ARID1B: variants seen among roughly 807,000 people sequenced by gnomAD.
ARID1B encodes AT-rich interaction domain 1B, also known as AT-rich interactive domain-containing protein 1B.
ARID1B carries 30 observed loss-of-function variants against 212.3 expected under a neutral mutation model. The ratio of observed to expected loss-of-function variants is 0.14; its 90% confidence interval spans 0.11 to 0.19. The LOEUF is 0.19. Ranked by LOEUF, ARID1B falls within the 10% of genes least tolerant of loss-of-function variation. ARID1B has a pLI of 1.00. For synonymous variants in ARID1B, 1,402 were observed against 1,301.7 expected (o/e 1.08, Z -1.66); for missense variants, 2,891 against 3,204.0 (o/e 0.90, Z 2.36).
At chr6:157,027,915 C>G (rs1426976968) in intron 4 of ARID1B, among the ~76,000 whole-genome samples, 1 of 152,072 alleles carries the variant, frequency 6.6e-6, no homozygotes, top group African/African-American at 2.4e-5. Flanking sequence ...TTAGTACTTC[C>G]GTTGATTTAT....
intron 2 of ARID1B, among the ~76,000 whole-genome samples, chr6:156,849,209 AC>A (rs1784421853): frequency 6.6e-6 from 1 of 152,088 alleles, no homozygotes; most frequent in Admixed American, 6.6e-5. Context: ...TTCTGAAGGT[AC>A]TCACGTGTTA....
intron 2 of ARID1B, among the ~76,000 whole-genome samples, chr6:156,848,769 G>A (rs971433105): frequency 1.9e-4 from 29 of 152,200 alleles, no homozygotes; most frequent in African/African-American, 7.0e-4. Context: ...ATGAGGGGAG[G>A]TGCCGGGGGG....
rs1007519442 is a variant in ARID1B, at chr6:157,209,121, T to C, written c.*1230T>C. ...AATCCACATTTGTATTTCAAGATAA[T>C]GTAGTTTAAAAAAAAAAAAAAGAAA... On this transcript the variant is annotated 3_prime_UTR_variant, in exon 20 of 20. Coordinates refer to ENST00000636930, the MANE Select transcript of ARID1B (RefSeq NM_001374828.1). The C allele has an allele frequency of 1.8e-5, 4 of 228,354 alleles. No individual in the cohort carries two copies. The highest frequency in any genetic ancestry group is 6.7e-5 in the African/African-American group (3 of 44,730). The allele number at this position is 228,354 out of a possible 1,614,324, so 14.1% of individuals were successfully genotyped here. A position where few individuals can be genotyped will look rare whatever the true frequency, so the allele number is the denominator to read the frequency against.
At chr6:157,011,217 ATATATT>A (rs1340199830) in intron 4 of ARID1B, among the ~76,000 whole-genome samples, 4 of 152,252 alleles carry the variant, frequency 2.6e-5, no homozygotes, top group Non-Finnish European at 5.9e-5. Flanking sequence ...TAAAGCATGT[ATATATT>A]ATCGACATTT....
chr6:156,923,599 G>C (rs1790976761), intron 3 of ARID1B, among the ~76,000 whole-genome samples: 1 of 152,130 alleles, frequency 6.6e-6, no homozygotes, highest in Non-Finnish European at 1.5e-5. Context: ...GCACTTAGGA[G>C]AGTACCTGAT....
intron 4 of ARID1B, among the ~76,000 whole-genome samples, chr6:157,012,461 G>C (rs542801504): frequency 1.3e-5 from 2 of 152,204 alleles, no homozygotes; most frequent in African/African-American, 4.8e-5. Context: ...GAGAATACAT[G>C]ATGAGGATTA....
intron 3 of ARID1B, among the ~76,000 whole-genome samples, chr6:156,919,693 G>T (rs947981063): frequency 2.6e-5 from 4 of 152,322 alleles, no homozygotes; most frequent in Non-Finnish European, 5.9e-5. Flanking sequence ...TTAGTTGGGC[G>T]TGTTAGCGGA....
At chr6:156,909,077 G>A (rs1429017202) in intron 3 of ARID1B, among the ~76,000 whole-genome samples, 2 of 146,604 alleles carry the variant, frequency 1.4e-5, no homozygotes, top group African/African-American at 2.5e-5. Flanking sequence ...TTCTGTATGT[G>A]TGTATAAAAC....
chr6:157,024,553 G>C (rs546318007), intron 4 of ARID1B: 1 of 152,362 alleles, frequency 6.6e-6, no homozygotes, highest in African/African-American at 2.4e-5. Context: ...CTTGAGGTCA[G>C]GAGTTCAAGA....
chr6:156,779,392 C>T lies in ARID1B; in HGVS notation c.1712C>T (p.Pro571Leu), dbSNP rs769085274. ...DMGAQYAAAS[P>L]AWAAAQQRSH... is the part of the protein sequence containing the mutation. ...GGCGCCCAGTACGCCGCTGCCAGCC[C>T]GGCCTGGGCGGCCGCGCAACAAAGG... Residue 571 changes from proline to leucine, a missense_variant, in exon 1 of 20, where the codon CCG becomes CTG. Transcript: ENST00000636930. 1 of 1,421,022 alleles carries T rather than the reference C, an allele frequency of 7.0e-7. No homozygotes were observed. Among genetic ancestry groups the T allele is most frequent in the Middle Eastern group, 2.2e-4 (1 of 4,598 alleles). The allele number at this position is 1,421,022 out of a possible 1,614,324, so 88.0% of individuals were successfully genotyped here.
chr6:157,077,194 A>G (rs1400508139), intron 4 of ARID1B, among the ~76,000 whole-genome samples: 2 of 152,240 alleles, frequency 1.3e-5, no homozygotes, highest in African/African-American at 4.8e-5. Flanking sequence ...TTAATTCTAT[A>G]TAATGCTAAA....
intron 4 of ARID1B, among the ~76,000 whole-genome samples, chr6:156,944,154 G>A (rs1260207908): frequency 2.0e-5 from 3 of 152,192 alleles, no homozygotes; most frequent in Non-Finnish European, 2.9e-5. Flanking sequence ...ATGAGAAAAA[G>A]CACTGATAAA....
rs1021491787 is a variant in ARID1B at position 157,190,267 on chromosome 6, C to A, written c.4231+57C>A. The A allele has an allele frequency of 3.3e-6, 5 of 1,530,776 alleles. No individual in the cohort carries two copies. Among genetic ancestry groups the A allele is most frequent in the Middle Eastern group, 1.7e-4 (1 of 5,732 alleles). The allele number at this position is 1,530,776 out of a possible 1,614,324, so 94.8% of individuals were successfully genotyped here. On this transcript the variant is annotated intron_variant, in intron 15 of 19. Coordinates refer to ENST00000636930, the MANE Select transcript of ARID1B (RefSeq NM_001374828.1). This position sits in a 1 kb window ranked among gnomAD's most constrained non-coding sequence, Gnocchi z 4.6. ...GACCAGTGGGCATTCTACTCTCTGC[C>A]GTTCCACAACAGTTCACCTTTCACT...
chr6:157,161,431 G>GTATATATATATATATATATATATATA (rs199731974), intron 8 of ARID1B, among the ~76,000 whole-genome samples: 16 of 139,364 alleles, frequency 1.1e-4, no homozygotes, highest in Admixed American at 4.3e-4. Context: ...TTGTGTGTGT[G>GTATATATATATATATATATATATATA]TATATATATA....
chr6:156,806,720 G>A (rs1260471414), intron 1 of ARID1B, among the ~76,000 whole-genome samples: 1 of 152,204 alleles, frequency 6.6e-6, no homozygotes, highest in Admixed American at 6.5e-5. Flanking sequence ...TTGCTGTGGT[G>A]TGTTACAGTG....
At chr6:157,054,276 G>C (rs1191022838) in intron 4 of ARID1B, among the ~76,000 whole-genome samples, 2 of 151,852 alleles carry the variant, frequency 1.3e-5, no homozygotes, top group East Asian at 3.9e-4. Flanking sequence ...CCTTAGATTA[G>C]GTTTTTCCCC....
chr6:156,777,942 G>C lies in ARID1B; in HGVS notation c.262G>C (p.Ala88Pro), dbSNP rs1251126639. The C allele has an allele frequency of 6.5e-7, 1 of 1,527,502 alleles. No homozygotes were observed. Among genetic ancestry groups the C allele is most frequent in the East Asian group, 2.5e-5 (1 of 40,548 alleles). The allele number at this position is 1,527,502 out of a possible 1,614,324, so 94.6% of individuals were successfully genotyped here. A position where few individuals can be genotyped will look rare whatever the true frequency, so the allele number is the denominator to read the frequency against. Residue 88 changes from alanine to proline, a missense_variant, in exon 1 of 20, where the codon GCG becomes CCG. Transcript: ENST00000636930. ...PRHELNMAHN[A>P]GAAAAAGTHS... ...TCACGAACTCAACATGGCCCATAACGCGGGCGCCGCGGCCGCCGCCGGCAC... is the reference window on the plus strand; with the variant it reads ...TCACGAACTCAACATGGCCCATAACCCGGGCGCCGCGGCCGCCGCCGGCAC...
chr6:156,964,026 G>T (rs567972883), intron 4 of ARID1B, among the ~76,000 whole-genome samples: 5 of 152,362 alleles, frequency 3.3e-5, no homozygotes, highest in African/African-American at 1.2e-4. Flanking sequence ...GTTTGTTTCA[G>T]TTTCAGAATC....
chr6:156,850,669 G>C (rs1012434101), intron 2 of ARID1B, among the ~76,000 whole-genome samples: 18 of 152,118 alleles, frequency 1.2e-4, no homozygotes, highest in Non-Finnish European at 4.4e-5. Context: ...AAATATGTTA[G>C]ACTAATATTC....
Sources: allele counts gnomAD v4.1 joint callset (sites outside exome capture counted in the v4.1 genomes callset), GRCh38; gene constraint gnomAD v4.1.1; non-coding constraint Gnocchi (gnomAD v3.1); transcripts MANE v1.5; gene names NCBI Gene and HGNC (gene_info 2026-07-23, HGNC 2026-07-21).